Variants in RPH3A observed in about 807,000 individuals in gnomAD.
The protein encoded by RPH3A is rabphilin-3A.
RPH3A carries 48 observed loss-of-function variants against 102.2 expected under a neutral mutation model. That is an observed-to-expected ratio of 0.47 (90% CI 0.37 to 0.60). The LOEUF is 0.60. Ranked by LOEUF, RPH3A falls within the 20% of genes least tolerant of loss-of-function variation. The probability of loss-of-function intolerance (pLI) is 0.00; values close to 1 mark genes in which losing one functional copy is unlikely to be tolerated. For missense variants in RPH3A, 781 were observed against 910.1 expected (o/e 0.86, Z 1.83); for synonymous variants, 310 against 324.3 (o/e 0.96, Z 0.47).
At chr12:112,595,745 A>G (rs531634863) in intron 1 of RPH3A, among the ~76,000 whole-genome samples, 2 of 152,210 alleles carry the variant, frequency 1.3e-5, no homozygotes, top group Non-Finnish European at 2.9e-5. Context: ...GATTATTTCC[A>G]TACTCTTAGT....
In RPH3A at chr12:112,845,639, G is replaced by A. The variant is rs551165529; in HGVS notation, c.84-2057G>A. ...TCCCTGCATGTCACCTGTATAATTA[G>A]GCATTTAACATCTCCTTTGGCCACT... is the stretch of plus-strand genomic sequence containing the variant. On this transcript the variant is annotated intron_variant, in intron 4 of 21. Coordinates refer to ENST00000389385, the MANE Select transcript of RPH3A (RefSeq NM_001143854.2). 3.3e-5 allele frequency among the ~76,000 whole-genome samples: 5 copies of A among 152,220 alleles called. No homozygotes were observed. In the East Asian group the frequency reaches 9.6e-4, roughly 29 times the overall value.
In RPH3A at chr12:112,881,851, C is replaced by T. The variant is rs776904216; in HGVS notation, c.1326+5C>T. The stretch of plus-strand genomic sequence containing the variant: ...CTCCTGCCGGGAGCCAGCAAGGTAC[C>T]ATATGGCCTGGGCTTCTCTGCAAAC... On this transcript the variant is annotated splice_donor_5th_base_variant and intron_variant, in intron 15 of 21. Transcript: ENST00000389385. 1 of 1,610,444 alleles carries T rather than the reference C, an allele frequency of 6.2e-7. No homozygotes were observed. The highest frequency in any genetic ancestry group is 1.3e-5 in the African/African-American group (1 of 74,932).
At chr12:112,633,348 T>C (rs997436330) in intron 1 of RPH3A, among the ~76,000 whole-genome samples, 6 of 152,212 alleles carry the variant, frequency 3.9e-5, no homozygotes, top group African/African-American at 1.4e-4. Flanking sequence ...TGTTGAAACT[T>C]AATCCCCAGT....
At chr12:112,712,925 C>CTCTTCT (rs529826755) in intron 1 of RPH3A, among the ~76,000 whole-genome samples, 3,761 of 94,282 alleles carry the variant, frequency 0.04, 132 homozygotes, top group East Asian at 0.073. Flanking sequence ...CTTCTTCTTC[C>CTCTTCT]TCTTCTTCTT....
At chr12:112,799,522 G>C (rs1593012758) in intron 2 of RPH3A, among the ~76,000 whole-genome samples, 1 of 152,184 alleles carries the variant, frequency 6.6e-6, no homozygotes, top group Non-Finnish European at 1.5e-5. Context: ...TCAGCTTTCT[G>C]GGTGAGTTGC....
intron 1 of RPH3A, among the ~76,000 whole-genome samples, chr12:112,773,638 A>C (rs1009072096): frequency 6.6e-6 from 1 of 151,960 alleles, no homozygotes. Flanking sequence ...TTTATATGCA[A>C]CATTCCATTT....
intron 1 of RPH3A, among the ~76,000 whole-genome samples, chr12:112,619,681 C>A (rs1026460207): frequency 6.6e-6 from 1 of 152,150 alleles, no homozygotes; most frequent in Non-Finnish European, 1.5e-5. Context: ...GTTCCACTTT[C>A]TTCACATCTT....
intron 1 of RPH3A, among the ~76,000 whole-genome samples, chr12:112,737,627 ACTC>A (rs1453715011): frequency 5.9e-5 from 9 of 151,994 alleles, no homozygotes; most frequent in African/African-American, 2.2e-4. Flanking sequence ...TGAGCCATAG[ACTC>A]CTCCTCCAGG....
intron 19 of RPH3A, chr12:112,892,837 C>T (rs1327777274): frequency 2.0e-5 from 3 of 152,240 alleles, no homozygotes; most frequent in African/African-American, 7.2e-5. Flanking sequence ...CCTCCACTGC[C>T]TCTGATAACA....
chr12:112,820,549 T>C (rs1167137213), intron 2 of RPH3A, among the ~76,000 whole-genome samples: 2 of 152,186 alleles, frequency 1.3e-5, no homozygotes, highest in Admixed American at 1.3e-4. Flanking sequence ...CCTTCCTTAA[T>C]GGGTGTTTGG....
chr12:112,835,726 T>C (rs2384068), intron 3 of RPH3A, among the ~76,000 whole-genome samples: 109,651 of 152,132 alleles, frequency 0.72, 39,659 homozygotes, highest in Admixed American at 0.77. Context: ...GCTGGCTAGC[T>C]AGATACGCTT....
chr12:112,840,598 A>G (rs2042125568), intron 4 of RPH3A, among the ~76,000 whole-genome samples: 1 of 152,086 alleles, frequency 6.6e-6, no homozygotes, highest in Non-Finnish European at 1.5e-5. Flanking sequence ...TGGGCATGCT[A>G]AAGTTTGAGA....
intron 1 of RPH3A, among the ~76,000 whole-genome samples, chr12:112,666,870 C>T (rs893229017): frequency 1.3e-5 from 2 of 152,202 alleles, no homozygotes; most frequent in Non-Finnish European, 2.9e-5. Context: ...GTTTTATTTT[C>T]ATCATGACTG....
chr12:112,869,329 T>C (rs1400676659), intron 8 of RPH3A: 1 of 165,152 alleles, frequency 6.1e-6, no homozygotes, highest in East Asian at 1.8e-4. Context: ...AGATAACTTA[T>C]CAAGGCACTT....
intron 1 of RPH3A, among the ~76,000 whole-genome samples, chr12:112,704,263 A>G (rs1306707920): frequency 6.6e-6 from 1 of 151,728 alleles, no homozygotes; most frequent in Non-Finnish European, 1.5e-5. Flanking sequence ...TAATTTTTGT[A>G]TTTTTTAGTA....
rs2136278905 is a variant in RPH3A, at chr12:112,897,390, G to A, written c.*610G>A. Reference sequence around the variant, plus strand: ...GGATGCAAATGCACAGAATTCACCAGGGGCTTGGACGCTCTCCTCTTTCCG... The same window carrying A: ...GGATGCAAATGCACAGAATTCACCAAGGGCTTGGACGCTCTCCTCTTTCCG... On this transcript the variant is annotated 3_prime_UTR_variant, in exon 22 of 22. Transcript: ENST00000389385. The A allele has an allele frequency of 6.6e-6, 1 of 152,566 alleles. No homozygotes were observed. Among genetic ancestry groups the A allele is most frequent in the Admixed American group, 6.5e-5 (1 of 15,322 alleles). The allele number at this position is 152,566 out of a possible 1,614,324, so 9.5% of individuals were successfully genotyped here.
At chr12:112,586,835 G>T (rs1238177141) in intron 1 of RPH3A, among the ~76,000 whole-genome samples, 14 of 152,144 alleles carry the variant, frequency 9.2e-5, no homozygotes. Context: ...GGACCTCAGG[G>T]TGACTTCAGA....
chr12:112,662,834 C>T (rs2040058137), intron 1 of RPH3A, among the ~76,000 whole-genome samples: 1 of 151,532 alleles, frequency 6.6e-6, no homozygotes, highest in Non-Finnish European at 1.5e-5. Context: ...TCCTGCTTTA[C>T]AGTCCTGTTA....
chr12:112,847,980 C>A, intron 5 of RPH3A, 138 bp downstream of exon 5: 1 of 795,938 alleles, frequency 1.3e-6, no homozygotes, highest in Non-Finnish European at 2.0e-6. Flanking sequence ...GGGGCCACCT[C>A]CCCGCCCCAC....
Sources: allele counts gnomAD v4.1 joint callset (sites outside exome capture counted in the v4.1 genomes callset), GRCh38; gene constraint gnomAD v4.1.1; transcripts MANE v1.5; gene names NCBI Gene and HGNC (gene_info 2026-07-23, HGNC 2026-07-21).